CALCOCO2: variants seen among roughly 807,000 people sequenced by gnomAD.
CALCOCO2 encodes the protein calcium-binding and coiled-coil domain-containing protein 2.
A neutral mutation model predicts 62.5 loss-of-function variants in CALCOCO2; 42 were observed. The ratio of observed to expected loss-of-function variants is 0.67; its 90% CI spans 0.53 to 0.87. The LOEUF (loss-of-function observed/expected upper bound fraction) is 0.87. Ranked by LOEUF, CALCOCO2 falls within the 40% of genes least tolerant of loss-of-function variation. The probability of loss-of-function intolerance (pLI) is 0.00; values close to 1 mark genes in which losing one functional copy is unlikely to be tolerated. For synonymous variants in CALCOCO2, 167 were observed against 173.0 expected, an observed-to-expected ratio of 0.97 and a Z score of 0.27; for missense variants, 456 against 515.0, an observed-to-expected ratio of 0.89 and a Z score of 1.11.
intron 1 of CALCOCO2, chr17:48,831,982 T>C (rs1435545126): frequency 6.6e-6 from 1 of 152,170 alleles, no homozygotes; most frequent in East Asian, 1.9e-4. Flanking sequence ...TTGGCAGACA[T>C]GACAGCTGTG....
chr17:48,846,720 A>G (rs1173125938), intron 2 of CALCOCO2, among the ~76,000 whole-genome samples: 2 of 152,170 alleles, frequency 1.3e-5, no homozygotes, highest in African/African-American at 2.4e-5. Flanking sequence ...AACATGCCCT[A>G]GGATGTTCTG....
At chr17:48,853,539 G>C (rs1289698397) in intron 9 of CALCOCO2, among the ~76,000 whole-genome samples, 5 of 152,160 alleles carry the variant, frequency 3.3e-5, no homozygotes, top group Non-Finnish European at 7.3e-5. Flanking sequence ...GTTGATCCAA[G>C]GACATGAGTA....
intron 9 of CALCOCO2, chr17:48,855,863 CAAAA>C (rs11463396): frequency 2.0e-3 from 334 of 167,396 alleles, no homozygotes; most frequent in East Asian, 3.3e-3. Context: ...TCAGCTAAAC[CAAAA>C]AAAAAAAAAA....
At chr17:48,833,103 C>T (rs999766309) in intron 1 of CALCOCO2, among the ~76,000 whole-genome samples, 7 of 151,226 alleles carry the variant, frequency 4.6e-5, no homozygotes, top group Non-Finnish European at 8.9e-5. Flanking sequence ...TGTGTCTTTG[C>T]TTTTGCTACC....
At chr17:48,842,018 T>C in intron 2 of CALCOCO2, 131 bp downstream of exon 2, 1 of 563,226 alleles carries the variant, frequency 1.8e-6, no homozygotes, top group Non-Finnish European at 3.1e-6. Context: ...CTAGCCAAGC[T>C]CCACAGCACT....
intron 5 of CALCOCO2, 109 bp downstream of exon 5, chr17:48,849,486 A>G (rs1416675282): frequency 7.8e-6 from 7 of 897,968 alleles, no homozygotes; most frequent in Non-Finnish European, 1.0e-5. Context: ...TTCTTATACC[A>G]GTATCTTTGA....
intron 2 of CALCOCO2, chr17:48,846,057 A>G (rs1403077592): frequency 4.0e-6 from 6 of 1,484,056 alleles, no homozygotes; most frequent in Non-Finnish European, 5.4e-6. Context: ...AGACTATTCA[A>G]CTCCTCATCA....
intron 1 of CALCOCO2, 86 bp from the exon 2 acceptor site, chr17:48,841,612 G>C: frequency 1.1e-6 from 1 of 938,104 alleles, no homozygotes; most frequent in Non-Finnish European, 1.5e-6. Context: ...GCTTTGCACA[G>C]AATGTTCCCT....
At chr17:48,855,644 GA>G (rs1338773311) in intron 9 of CALCOCO2, among the ~76,000 whole-genome samples, 1 of 152,088 alleles carries the variant, frequency 6.6e-6, no homozygotes, top group Non-Finnish European at 1.5e-5. Context: ...CTTGAGCCGA[GA>G]TGCCTATTCT....
intron 2 of CALCOCO2, among the ~76,000 whole-genome samples, chr17:48,846,834 A>C (rs2040059744): frequency 6.6e-6 from 1 of 152,186 alleles, no homozygotes; most frequent in African/African-American, 2.4e-5. Context: ...CAGGGTCAAA[A>C]TATGGCAATA....
Position 48,848,082 on chromosome 17 carries a change from C to G in CALCOCO2, c.199C>G (p.Arg67Gly), listed in dbSNP as rs201620728. ...GIFRVGWKTT[R>G]EYYTFMWVTL... ...ATTGCAGGTGGGGTGGAAGACAACC[C>G]GTGAGTATTACACCTTCATGTGGGT... Residue 67 changes from arginine (R) to glycine (G), a missense_variant, in exon 3 of 13, where the codon CGT becomes GGT. By Grantham distance (125) the Arg-to-Gly change is moderately radical. This residue lies in a region of CALCOCO2 where 236 missense variants were observed against 225.3 expected (regional missense o/e 1.05). Transcript: ENST00000258947. The G allele has an allele frequency of 6.2e-7, 1 of 1,610,302 alleles. No homozygotes were observed. Among genetic ancestry groups the G allele is most frequent in the Non-Finnish European group, 8.5e-7 (1 of 1,176,632 alleles).
In CALCOCO2 at chr17:48,848,326, C is replaced by T. The variant is rs1407352228; in HGVS notation, c.288C>T (p.Tyr96=). 2.5e-6 allele frequency: 4 copies of T among 1,613,110 alleles called. No individual in the cohort carries two copies. Among genetic ancestry groups the T allele is most frequent in the South Asian group, 1.1e-5 (1 of 90,946 alleles). The change falls in exon 4 of 13, where the codon TAC becomes TAT. Residue 96 remains tyrosine, a synonymous_variant. Transcript: ENST00000258947. ...AKQQEVQFKA[Y]YLPKDDEYYQ... is the part of the protein sequence containing the mutation. ...AAAATTATGTTGTGTTTTCAGCTTACTACCTGCCCAAGGATGATGAGTATT... is the reference window on the plus strand; with the variant it reads ...AAAATTATGTTGTGTTTTCAGCTTATTACCTGCCCAAGGATGATGAGTATT...
At chr17:48,857,978 A>AATTGAATT (rs1567758982) in intron 10 of CALCOCO2, among the ~76,000 whole-genome samples, 100 of 23,888 alleles carry the variant, frequency 4.2e-3, no homozygotes, top group African/African-American at 8.2e-3. Context: ...CTACATCAAT[A>AATTGAATT]GAATAGAATA....
rs1399345155 is a variant in CALCOCO2, at chr17:48,849,270, G to A, written c.436G>A (p.Glu146Lys). The A allele has an allele frequency of 6.2e-6, 10 of 1,613,650 alleles. No individual in the cohort carries two copies. The highest frequency in any genetic ancestry group is 1.1e-5 in the South Asian group (1 of 91,056). Residue 146 changes from glutamate (E) to lysine (K), a missense_variant, in exon 5 of 13, where the codon GAG becomes AAG. Glu to Lys is a moderately conservative substitution (Grantham distance 56). Coordinates refer to ENST00000258947, the MANE Select transcript of CALCOCO2 (RefSeq NM_005831.5). ...VTTQGEVEEI[E>K]QHNKELCKEN... is the part of the protein sequence containing the mutation. ...TTTGTAGGGAGAGGTGGAAGAGATT[G>A]AGCAGCACAACAAGGAGCTTTGCAA...
Position 48,863,119 on chromosome 17 carries a change from C to T in CALCOCO2, c.*114C>T. 1.2e-6 allele frequency: 1 copy of T among 808,164 alleles called. No individual in the cohort carries two copies. The highest frequency in any genetic ancestry group is 2.6e-5 in the East Asian group (1 of 38,972). The allele number at this position is 808,164 out of a possible 1,614,324, so 50.1% of individuals were successfully genotyped here. Reference sequence around the variant, plus strand: ...AACCTGAAATTATTAGGGATTTACTCAGCCCTGCTGCCGCTAACAGTGGAG... The same window carrying T: ...AACCTGAAATTATTAGGGATTTACTTAGCCCTGCTGCCGCTAACAGTGGAG... On this transcript the variant is annotated 3_prime_UTR_variant, in exon 13 of 13. Transcript: ENST00000258947.
Position 48,863,176 on chromosome 17 carries a change from G to T in CALCOCO2, c.*171G>T. On this transcript the variant is annotated 3_prime_UTR_variant, in exon 13 of 13. Coordinates refer to ENST00000258947, the MANE Select transcript of CALCOCO2 (RefSeq NM_005831.5). ...CACTGATCTGAAGGTCACTGTTAAGGGCTTCTGCTGCCATCCTTGTGGGTT... is the reference window on the plus strand; with the variant it reads ...CACTGATCTGAAGGTCACTGTTAAGTGCTTCTGCTGCCATCCTTGTGGGTT... 2 of 588,580 alleles carry T rather than the reference G, an allele frequency of 3.4e-6. No homozygotes were observed. Among genetic ancestry groups the T allele is most frequent in the South Asian group, 3.9e-5 (2 of 51,540 alleles). The allele number at this position is 588,580 out of a possible 1,614,324, so 36.5% of individuals were successfully genotyped here.
At chr17:48,835,807 T>A (rs892410825) in intron 1 of CALCOCO2, among the ~76,000 whole-genome samples, 1 of 152,046 alleles carries the variant, frequency 6.6e-6, no homozygotes, top group Non-Finnish European at 1.5e-5. Context: ...TGGAGTGCAA[T>A]GGCATAATCT....
At chr17:48,853,221 A>G (rs748520003) in intron 9 of CALCOCO2, 1 of 504,698 alleles carries the variant, frequency 2.0e-6, no homozygotes, top group Middle Eastern at 4.3e-4. Flanking sequence ...TAATAAAGGA[A>G]TATTGCAAGT....
rs753162024 is a variant in CALCOCO2, at chr17:48,856,113, A to G, written c.934A>G (p.Lys312Glu). ...ELMDENFDLS[K>E]RLSENEIICN... ...ACAGGATGAAAACTTTGACCTGTCAAAAAGACTGAGTGAGAACGAAATTAT... is the reference window on the plus strand; with the variant it reads ...ACAGGATGAAAACTTTGACCTGTCAGAAAGACTGAGTGAGAACGAAATTAT... The change falls in exon 10 of 13, where the codon AAA becomes GAA. Residue 312 changes from lysine to glutamate, a missense_variant. By Grantham distance (56) the Lys-to-Glu change is moderately conservative (BLOSUM62 1). Coordinates refer to ENST00000258947, the MANE Select transcript of CALCOCO2 (RefSeq NM_005831.5). 4 of 1,597,806 alleles carry G rather than the reference A, an allele frequency of 2.5e-6. No homozygotes were observed. The South Asian group carries it at 4.4e-5, about 18-fold the overall frequency.
Sources: gnomAD v4.1 joint callset for allele counts (sites outside exome capture counted in the v4.1 genomes callset) on GRCh38, gnomAD v4.1.1 for gene constraint, gnomAD v4.1.1 regional missense constraint, MANE v1.5 for transcripts, NCBI Gene and HGNC (gene_info 2026-07-23, HGNC 2026-07-21) for gene names.